Variants in UGT2A3 observed in about 807,000 individuals in gnomAD.
UGT2A3 encodes UDP glucuronosyltransferase family 2 member A3, also known as UDP-glucuronosyltransferase 2A3.
A neutral mutation model predicts 44.1 loss-of-function variants in UGT2A3; 55 were observed. The ratio of observed to expected loss-of-function variants is 1.25; its 90% CI spans 1.00 to 1.56. UGT2A3 has a LOEUF of 1.56. Ranked by LOEUF, UGT2A3 falls within the 40% of genes most tolerant of loss-of-function variation. The pLI is 0.00. For synonymous variants in UGT2A3, 243 were observed against 215.1 expected (o/e 1.13, Z -1.13); for missense variants, 733 against 621.6 (o/e 1.18, Z -1.91).
Position 68,929,549 on chromosome 4 carries a change from C to G in UGT2A3, c.*264G>C. ...AAGGTTATAGAAGTAATGACATCATCAAAACAGTCATATCAGAAATAGGAA... is the reference window on the plus strand; with the variant it reads ...AAGGTTATAGAAGTAATGACATCATGAAAACAGTCATATCAGAAATAGGAA... On this transcript the variant is annotated 3_prime_UTR_variant, in exon 6 of 6. Coordinates refer to ENST00000251566, the MANE Select transcript of UGT2A3 (RefSeq NM_024743.4). The G allele has an allele frequency of 3.3e-6, 1 of 306,700 alleles. No individual in the cohort carries two copies. The highest frequency in any genetic ancestry group is 6.1e-6 in the Non-Finnish European group (1 of 165,110). 19.0% of individuals were successfully genotyped at this position (306,700 alleles called of 1,614,324 possible).
Position 68,929,486 on chromosome 4 carries a change from C to G in UGT2A3, c.*327G>C, listed in dbSNP as rs1051147538. On this transcript the variant is annotated 3_prime_UTR_variant, in exon 6 of 6. Coordinates refer to ENST00000251566, the MANE Select transcript of UGT2A3 (RefSeq NM_024743.4). Reference sequence around the variant, plus strand: ...CTTTATATCCATGTGTTTGGGCGCACACCAGGAATAATCATATTGCATGTC... The same window carrying G: ...CTTTATATCCATGTGTTTGGGCGCAGACCAGGAATAATCATATTGCATGTC... The G allele has an allele frequency of 5.2e-6, 1 of 191,184 alleles. No individual in the cohort carries two copies. The highest frequency in any genetic ancestry group is 1.1e-5 in the Non-Finnish European group (1 of 93,560). The allele number at this position is 191,184 out of a possible 1,614,324, so 11.8% of individuals were successfully genotyped here. A position where few individuals can be genotyped will look rare whatever the true frequency, so the allele number is the denominator to read the frequency against.
intron 2 of UGT2A3, among the ~76,000 whole-genome samples, chr4:68,939,319 C>G (rs1423613801): frequency 6.6e-6 from 1 of 152,014 alleles, no homozygotes; most frequent in African/African-American, 2.4e-5. Flanking sequence ...CTGCAGTAAC[C>G]AAAACAACAT....
chr4:68,947,415 C>A (rs1718418705), intron 1 of UGT2A3, among the ~76,000 whole-genome samples: 1 of 151,684 alleles, frequency 6.6e-6, no homozygotes, highest in Admixed American at 6.6e-5. Context: ...AACCTTCAGG[C>A]CCACTTATAA....
intron 1 of UGT2A3, among the ~76,000 whole-genome samples, chr4:68,950,736 A>G (rs183945632): frequency 6.6e-6 from 1 of 152,004 alleles, no homozygotes; most frequent in Non-Finnish European, 1.5e-5. Flanking sequence ...TTTTATTTCA[A>G]TAGAAATTCT....
At chr4:68,938,000 A>G (rs1312210521) in intron 2 of UGT2A3, among the ~76,000 whole-genome samples, 1 of 152,130 alleles carries the variant, frequency 6.6e-6, no homozygotes, top group Non-Finnish European at 1.5e-5. Flanking sequence ...CCATCCCAAG[A>G]CTAAATCAAG....
At position 68,945,317 on chromosome 4, in the gene UGT2A3, C is replaced by T. The variant is rs750173272; in HGVS notation, c.853G>A (p.Ala285Thr). The change falls in exon 2 of 6, where the codon GCT becomes ACT. Residue 285 changes from alanine (A) to threonine (T), a missense_variant. Transcript: ENST00000251566. ...VGGLHCKPAKALPKEMENFVQ... is the reference protein window; with the variant it reads ...VGGLHCKPAKTLPKEMENFVQ... ...TACAATAGTCCTACCTTAGGCAAAG[C>T]TTTGGCAGGTTTACAGTGCAATCCT... 1 of 1,611,156 alleles carries T rather than the reference C, an allele frequency of 6.2e-7. No individual in the cohort carries two copies. The highest frequency in any genetic ancestry group is 8.5e-7 in the Non-Finnish European group (1 of 1,178,306).
At chr4:68,931,604 G>A (rs1168029212) in intron 3 of UGT2A3, among the ~76,000 whole-genome samples, 2 of 151,942 alleles carry the variant, frequency 1.3e-5, no homozygotes, top group Non-Finnish European at 2.9e-5. Context: ...AACTCATGGA[G>A]CCAATCTCAT....
chr4:68,934,045 T>G (rs1187519808), intron 2 of UGT2A3, among the ~76,000 whole-genome samples: 1 of 146,784 alleles, frequency 6.8e-6, no homozygotes, highest in East Asian at 1.9e-4. Flanking sequence ...AGAGCAAGTA[T>G]TGTTAAAAAA....
At chr4:68,945,253 GAAAACAAGTCATGTCATA>G in intron 2 of UGT2A3, 35 bp downstream of exon 2, 1 of 1,595,450 alleles carries the variant, frequency 6.3e-7, no homozygotes, top group East Asian at 2.3e-5. Context: ...TCTTTCAAGG[GAAAACAAGTCATGTCATA>G]AAGTACATAA....
intron 2 of UGT2A3, among the ~76,000 whole-genome samples, chr4:68,934,065 A>C (rs530423899): frequency 1.3e-5 from 2 of 152,038 alleles, no homozygotes; most frequent in Non-Finnish European, 2.9e-5. Flanking sequence ...AAAACTGGGA[A>C]GTATGACATC....
intron 1 of UGT2A3, among the ~76,000 whole-genome samples, chr4:68,947,391 T>C (rs979325944): frequency 2.0e-5 from 3 of 151,796 alleles, no homozygotes; most frequent in African/African-American, 7.2e-5. Context: ...CATGATATTA[T>C]AGCAATTTAG....
chr4:68,939,406 C>T (rs1378316227), intron 2 of UGT2A3, among the ~76,000 whole-genome samples: 1 of 152,090 alleles, frequency 6.6e-6, no homozygotes, highest in African/African-American at 2.4e-5. Context: ...ACATCTCTAA[C>T]CATGTGATCT....
In UGT2A3 at chr4:68,929,951, G is replaced by A; in HGVS notation, c.1446C>T (p.Thr482=). ...CATCTATAGAGTAGTGCTGGAACCA[G>A]GTGAGGTCATGGGCAGCTGATCGCA... ...KHLRSAAHDL[T]WFQHYSIDVI... Residue 482 remains threonine (T), a synonymous_variant, in exon 6 of 6, where the codon ACC becomes ACT. Transcript: ENST00000251566. The A allele has an allele frequency of 5.0e-6, 8 of 1,613,658 alleles. No homozygotes were observed. Among genetic ancestry groups the A allele is most frequent in the Non-Finnish European group, 6.8e-6 (8 of 1,179,672 alleles).
intron 3 of UGT2A3, 97 bp from the exon 4 acceptor site, chr4:68,931,339 C>T (rs1479818305): frequency 3.1e-6 from 3 of 972,902 alleles, no homozygotes; most frequent in South Asian, 1.6e-5. Context: ...CATTGTACTT[C>T]AGGTGATGGT....
chr4:68,932,349 C>T (rs1291978755), intron 3 of UGT2A3, among the ~76,000 whole-genome samples: 14 of 150,554 alleles, frequency 9.3e-5, no homozygotes, highest in Admixed American at 8.6e-4. Flanking sequence ...TTTTTGGAAT[C>T]ATTGGCACAC....
intron 3 of UGT2A3, among the ~76,000 whole-genome samples, chr4:68,931,655 C>T (rs1377849394): frequency 2.6e-5 from 4 of 151,982 alleles, no homozygotes; most frequent in Non-Finnish European, 5.9e-5. Context: ...TAAAAATTTG[C>T]TTTCAATTAT....
chr4:68,939,995 G>C (rs994623661), intron 2 of UGT2A3, among the ~76,000 whole-genome samples: 15 of 152,118 alleles, frequency 9.9e-5, no homozygotes, highest in Non-Finnish European at 1.9e-4. Context: ...AAACCACAAT[G>C]AGATACCATC....
chr4:68,931,883 G>A (rs996433974), intron 3 of UGT2A3, among the ~76,000 whole-genome samples: 15 of 151,864 alleles, frequency 9.9e-5, no homozygotes, highest in Non-Finnish European at 5.9e-5. Flanking sequence ...ACAAAGAACG[G>A]CATAGATGTT....
At chr4:68,945,103 T>C (rs371159791) in intron 2 of UGT2A3, among the ~76,000 whole-genome samples, 20 of 151,768 alleles carry the variant, frequency 1.3e-4, no homozygotes, top group African/African-American at 4.3e-4. Context: ...ATTCTAATCA[T>C]GACATTCTTC....
Sources: allele counts gnomAD v4.1 joint callset (sites outside exome capture counted in the v4.1 genomes callset), GRCh38; gene constraint gnomAD v4.1.1; transcripts MANE v1.5; gene names NCBI Gene and HGNC (gene_info 2026-07-23, HGNC 2026-07-21).